The following NYAP2 variants were observed in gnomAD, a reference collection of about 807,000 sequenced individuals.
NYAP2 encodes the protein neuronal tyrosine-phosphorylated phosphoinositide-3-kinase adapter 2.
A neutral mutation model predicts 50.4 loss-of-function variants in NYAP2; 23 were observed. That is an observed-to-expected ratio of 0.46 (90% CI 0.33 to 0.65). The LOEUF (loss-of-function observed/expected upper bound fraction) is 0.65. NYAP2 is among the 30% of genes least tolerant of loss of function. NYAP2 has a pLI of 0.02. For missense variants in NYAP2, 885 were observed against 861.0 expected (o/e 1.03, Z -0.35); for synonymous variants, 394 against 365.2 (o/e 1.08, Z -0.90).
intron 5 of NYAP2, among the ~76,000 whole-genome samples, chr2:225,616,079 C>T (rs1240834930): frequency 6.6e-6 from 1 of 152,164 alleles, no homozygotes; most frequent in African/African-American, 2.4e-5. Flanking sequence ...GGACTTTTTG[C>T]ATATTCCACT....
chr2:225,608,275 A>G (rs1326195855), intron 5 of NYAP2, among the ~76,000 whole-genome samples: 3 of 152,156 alleles, frequency 2.0e-5, no homozygotes, highest in Non-Finnish European at 4.4e-5. Flanking sequence ...AGTTGATGGC[A>G]TTCTGATGTT....
the NYAP2 span, among the ~76,000 whole-genome samples, chr2:225,662,404 G>A: frequency 1.3e-5 from 2 of 152,196 alleles, no homozygotes; most frequent in Non-Finnish European, 2.9e-5. Flanking sequence ...GCCCACACAT[G>A]CACACATAGA....
chr2:225,562,934 T>A (rs1014484537), intron 4 of NYAP2, among the ~76,000 whole-genome samples: 4 of 152,264 alleles, frequency 2.6e-5, no homozygotes, highest in East Asian at 1.9e-4. Context: ...GTCCTTCCTA[T>A]TTGGATAAGA....
chr2:225,526,389 C>G (rs1004256397), intron 4 of NYAP2, among the ~76,000 whole-genome samples: 3 of 152,174 alleles, frequency 2.0e-5, no homozygotes, highest in Non-Finnish European at 4.4e-5. Flanking sequence ...GCTGTATTCT[C>G]AGGTAGGGGA....
chr2:225,531,410 A>T (rs904617307), intron 4 of NYAP2, among the ~76,000 whole-genome samples: 1 of 152,186 alleles, frequency 6.6e-6, no homozygotes, highest in Non-Finnish European at 1.5e-5. Context: ...ATTGAACTAT[A>T]CTTTGTGTAC....
chr2:225,554,209 T>TG (rs1345959005), intron 4 of NYAP2, among the ~76,000 whole-genome samples: 10 of 146,926 alleles, frequency 6.8e-5, no homozygotes, highest in Admixed American at 6.1e-4. Context: ...TTGTTGTTGT[T>TG]TTTTTTTTTT....
rs560057793 is a variant in NYAP2, at chr2:225,538,243, G to T, written c.523+24571G>T. Among the ~76,000 whole-genome samples, 284 of 152,294 alleles carry T rather than the reference G, an allele frequency of 1.9e-3. 2 individuals carry two copies. Among genetic ancestry groups the T allele is most frequent in the African/African-American group, 6.5e-3 (272 of 41,562 alleles). On this transcript the variant is annotated intron_variant, in intron 4 of 6. Coordinates refer to ENST00000636099, the Ensembl canonical transcript of NYAP2. ...CTCCACTAGACAGTACCCTAGTAGG[G>T]ACTCCATGTGGGGGCTCCAACCCCA...
chr2:225,581,161 A>AACTT (rs1692262824), intron 4 of NYAP2, among the ~76,000 whole-genome samples: 1 of 152,226 alleles, frequency 6.6e-6, no homozygotes, highest in African/African-American at 2.4e-5. Context: ...TTATTCTTGA[A>AACTT]ACTTACACAT....
intron 3 of NYAP2, among the ~76,000 whole-genome samples, chr2:225,448,155 C>T (rs1689590984): frequency 6.6e-6 from 1 of 152,134 alleles, no homozygotes; most frequent in Admixed American, 6.6e-5. Context: ...AAAGAAAGCA[C>T]TTTGGTGGAA....
intron 4 of NYAP2, among the ~76,000 whole-genome samples, chr2:225,515,019 G>A (rs1690902501): frequency 6.6e-6 from 1 of 152,132 alleles, no homozygotes; most frequent in Admixed American, 6.5e-5. Flanking sequence ...TGCCTATGAG[G>A]TATGTGCCAT....
intron 3 of NYAP2, among the ~76,000 whole-genome samples, chr2:225,448,997 T>C (rs1246646568): frequency 6.6e-6 from 1 of 152,218 alleles, no homozygotes; most frequent in Non-Finnish European, 1.5e-5. Flanking sequence ...AAAATGTCTG[T>C]GTGGTATAGC....
At chr2:225,565,569 A>G (rs1368220695) in intron 4 of NYAP2, among the ~76,000 whole-genome samples, 2 of 152,208 alleles carry the variant, frequency 1.3e-5, no homozygotes, top group Admixed American at 6.6e-5. Context: ...ATAAATGTGA[A>G]GTATGTGTAA....
intron 4 of NYAP2, among the ~76,000 whole-genome samples, chr2:225,517,248 C>A (rs1280464254): frequency 6.6e-6 from 1 of 151,868 alleles, no homozygotes; most frequent in Non-Finnish European, 1.5e-5. Context: ...TTTTAATTAC[C>A]CCTTTTTATT....
chr2:225,507,754 A>C (rs1333470672), intron 3 of NYAP2, among the ~76,000 whole-genome samples: 1 of 152,254 alleles, frequency 6.6e-6, no homozygotes, highest in Non-Finnish European at 1.5e-5. Flanking sequence ...TATGGCTAAA[A>C]TTATTGACTG....
chr2:225,627,056 A>G (rs1693223218), exon 6 of NYAP2: 1 of 1,597,264 alleles, frequency 6.3e-7, no homozygotes, highest in African/African-American at 1.3e-5. Context: ...CACCAGGGAC[A>G]CCTGTGGTCA....
Position 225,581,907 on chromosome 2 carries a change from C to T in NYAP2, c.524-34C>T, listed in dbSNP as rs540873546. On this transcript the variant is annotated intron_variant, in intron 4 of 6. Coordinates refer to ENST00000636099, the Ensembl canonical transcript of NYAP2. ...CATTTTTGAAAACTTTCCTATTATACTCATCTATTCCACTACGTTTTTTCT... is the reference window on the plus strand; with the variant it reads ...CATTTTTGAAAACTTTCCTATTATATTCATCTATTCCACTACGTTTTTTCT... 1.1e-4 allele frequency: 170 copies of T among 1,555,036 alleles called. 1 individual carries two copies. The East Asian group carries it at 2.3e-3, about 21-fold the overall frequency.
At chr2:225,615,403 G>T (rs1407604134) in intron 5 of NYAP2, among the ~76,000 whole-genome samples, 1 of 152,062 alleles carries the variant, frequency 6.6e-6, no homozygotes, top group Non-Finnish European at 1.5e-5. Flanking sequence ...TAATTTGGTG[G>T]CAATATCTCT....
intron 6 of NYAP2, among the ~76,000 whole-genome samples, chr2:225,639,443 A>T (rs1693485906): frequency 6.6e-6 from 1 of 152,206 alleles, no homozygotes. Context: ...CCTGTGCATC[A>T]GTGGGCTGGT....
At chr2:225,436,571 G>A (rs1029662435) in intron 3 of NYAP2, among the ~76,000 whole-genome samples, 1 of 151,788 alleles carries the variant, frequency 6.6e-6, no homozygotes, top group African/African-American at 2.4e-5. Context: ...TAATTATATT[G>A]CAATGACCTT....
Sources: gnomAD v4.1 joint callset for allele counts (sites outside exome capture counted in the v4.1 genomes callset) on GRCh38, gnomAD v4.1.1 for gene constraint, MANE v1.5 for transcripts, NCBI Gene and HGNC (gene_info 2026-07-23, HGNC 2026-07-21) for gene names.